The following SGCD variants were observed in gnomAD, a reference collection of about 807,000 sequenced individuals.
The protein encoded by SGCD is delta-sarcoglycan.
A neutral mutation model predicts 36.6 loss-of-function variants in SGCD; 18 were observed. The ratio of observed to expected loss-of-function variants is 0.49; its 90% confidence interval spans 0.34 to 0.73. The LOEUF is 0.73. Among genes scored for constraint, SGCD ranks in the 30% least tolerant of loss-of-function variants. SGCD has a pLI of 0.01. For synonymous variants in SGCD, 133 were observed against 130.6 expected (o/e 1.02, Z -0.12); for missense variants, 387 against 346.7 (o/e 1.12, Z -0.92).
the SGCD span, among the ~76,000 whole-genome samples, chr5:155,752,253 C>T: frequency 6.6e-6 from 1 of 152,176 alleles, no homozygotes; most frequent in Non-Finnish European, 1.5e-5. Flanking sequence ...ATGATCTGAT[C>T]AGTGCATGCT....
chr5:156,082,508 A>G (rs1428008001), intron 1 of SGCD, among the ~76,000 whole-genome samples: 4 of 152,202 alleles, frequency 2.6e-5, no homozygotes, highest in African/African-American at 9.6e-5. Flanking sequence ...GATTGGCTTT[A>G]ACTCCACATA....
intron 3 of SGCD, among the ~76,000 whole-genome samples, chr5:156,308,567 G>A (rs1767301870): frequency 6.6e-6 from 1 of 152,096 alleles, no homozygotes; most frequent in African/African-American, 2.4e-5. Flanking sequence ...CAAAGTGCTA[G>A]GATTACGGGC....
the SGCD span, among the ~76,000 whole-genome samples, chr5:155,859,203 G>A: frequency 2.0e-5 from 3 of 151,810 alleles, no homozygotes; most frequent in Non-Finnish European, 4.4e-5. Context: ...ACAGGCATGT[G>A]CCACCATGCC....
At chr5:155,897,115 C>G (rs1756281040) in intron 1 of SGCD, among the ~76,000 whole-genome samples, 1 of 152,074 alleles carries the variant, frequency 6.6e-6, no homozygotes, top group Admixed American at 6.5e-5. Flanking sequence ...GTGCAAAAAT[C>G]ACAGAGTATA....
intron 7 of SGCD, among the ~76,000 whole-genome samples, chr5:156,742,487 A>G (rs977066476): frequency 2.2e-5 from 3 of 137,876 alleles, no homozygotes; most frequent in African/African-American, 7.3e-5. Flanking sequence ...GTCCATCACC[A>G]AATCCAAATC....
At chr5:156,697,742 TGGACGGAC>T (rs559368172) in intron 7 of SGCD, among the ~76,000 whole-genome samples, 2 of 147,866 alleles carry the variant, frequency 1.4e-5, no homozygotes, top group African/African-American at 5.1e-5. Flanking sequence ...TAGTATTGGA[TGGACGGAC>T]GGATGGATGG....
chr5:156,604,555 A>G (rs1340766017), intron 6 of SGCD, among the ~76,000 whole-genome samples: 1 of 151,806 alleles, frequency 6.6e-6, no homozygotes, highest in Non-Finnish European at 1.5e-5. Context: ...TAGTTACAAT[A>G]GGTTATTTTA....
intron 1 of SGCD, among the ~76,000 whole-genome samples, chr5:156,085,186 T>C (rs1244259123): frequency 1.3e-5 from 2 of 152,140 alleles, no homozygotes; most frequent in Non-Finnish European, 2.9e-5. Context: ...GTTGTTGTTG[T>C]TCTGTCTCTA....
chr5:155,898,491 TGA>T (rs1756318158), intron 1 of SGCD, among the ~76,000 whole-genome samples: 2 of 152,204 alleles, frequency 1.3e-5, no homozygotes, highest in African/African-American at 4.8e-5. Context: ...ATAAATGTCA[TGA>T]GAGAGATGTT....
chr5:156,249,899 T>C (rs1237560774), intron 3 of SGCD, among the ~76,000 whole-genome samples: 2 of 152,166 alleles, frequency 1.3e-5, no homozygotes, highest in East Asian at 3.9e-4. Context: ...GTGAGAAAAT[T>C]ATAATGGAAA....
intron 4 of SGCD, among the ~76,000 whole-genome samples, chr5:156,558,120 T>TATATATAG (rs1759114058): frequency 7.6e-6 from 1 of 131,304 alleles, no homozygotes; most frequent in African/African-American, 2.8e-5. Flanking sequence ...TATATATATA[T>TATATATAG]ATATTATTTA....
chr5:156,340,292 T>C (rs1402254262), intron 2 of SGCD, among the ~76,000 whole-genome samples: 1 of 152,232 alleles, frequency 6.6e-6, no homozygotes, highest in Non-Finnish European at 1.5e-5. Flanking sequence ...AACTTTTGAC[T>C]AGCTTCTGTC....
chr5:156,145,924 G>A (rs1442683720), intron 3 of SGCD, among the ~76,000 whole-genome samples: 1 of 152,116 alleles, frequency 6.6e-6, no homozygotes, highest in African/African-American at 2.4e-5. Context: ...TTAAAAAAAG[G>A]GATTTGAGGC....
chr5:156,365,598 A>G (rs536540208), intron 3 of SGCD, among the ~76,000 whole-genome samples: 4 of 152,318 alleles, frequency 2.6e-5, no homozygotes. Flanking sequence ...CCCCACATAC[A>G]TATGCATACA....
At chr5:156,662,112 T>C (rs186842435) in intron 7 of SGCD, among the ~76,000 whole-genome samples, 1 of 150,512 alleles carries the variant, frequency 6.6e-6, no homozygotes, top group East Asian at 1.9e-4. Flanking sequence ...TAAGTCTGAG[T>C]CTCCTCTTAA....
chr5:155,955,280 A>T (rs1349520085), intron 1 of SGCD, among the ~76,000 whole-genome samples: 2 of 152,156 alleles, frequency 1.3e-5, no homozygotes, highest in African/African-American at 4.8e-5. Flanking sequence ...TAAGTATTTG[A>T]TGATTTAGTA....
chr5:155,803,822 G>A, the SGCD span, among the ~76,000 whole-genome samples: 1 of 152,082 alleles, frequency 6.6e-6, no homozygotes, highest in South Asian at 2.1e-4. Flanking sequence ...TGGAGCATAG[G>A]GTATGCTCTT....
intron 1 of SGCD, among the ~76,000 whole-genome samples, chr5:156,072,572 T>G (rs1693973320): frequency 6.6e-6 from 1 of 152,128 alleles, no homozygotes; most frequent in African/African-American, 2.4e-5. Context: ...CATTTTTTCC[T>G]TCATTTCAAC....
intron 4 of SGCD, among the ~76,000 whole-genome samples, chr5:156,573,716 G>A (rs113801457): frequency 3.2e-4 from 49 of 152,058 alleles, no homozygotes; most frequent in African/African-American, 1.2e-3. Context: ...TTTAGAGATG[G>A]GGGGTCTCAC....
Sources: allele counts gnomAD v4.1 joint callset (sites outside exome capture counted in the v4.1 genomes callset), GRCh38; gene constraint gnomAD v4.1.1; transcripts MANE v1.5; gene names NCBI Gene and HGNC (gene_info 2026-07-23, HGNC 2026-07-21).